DHRS7: variants seen among roughly 807,000 people sequenced by gnomAD.
The protein encoded by DHRS7 is dehydrogenase/reductase 7, also known as dehydrogenase/reductase SDR family member 7.
DHRS7 carries 34 observed loss-of-function variants against 38.9 expected under a neutral mutation model. The observed-to-expected ratio is 0.87, with a 90% CI of 0.66 to 1.16. The LOEUF (loss-of-function observed/expected upper bound fraction) is 1.16, where lower values mean the gene tolerates loss of function less well. DHRS7 is among the 50% of genes most tolerant of loss of function. DHRS7 has a pLI of 0.00. For synonymous variants in DHRS7, 158 were observed against 153.1 expected (o/e 1.03, Z -0.24); for missense variants, 421 against 407.0 (o/e 1.03, Z -0.30).
At chr14:60,168,780 CATACT>C (rs1322735360), upstream of DHRS7, 2 of 1,540,778 alleles carry the variant, frequency 1.3e-6, no homozygotes, top group Middle Eastern at 1.7e-4. Flanking sequence ...CTTCTTAAAT[CATACT>C]CCATCCCATT....
At chr14:60,159,648 C>CAAGA (rs10660222) in intron 1 of DHRS7, among the ~76,000 whole-genome samples, 25,372 of 151,950 alleles carry the variant, frequency 0.17, 2,488 homozygotes, top group South Asian at 0.3. Context: ...GTAAGATATA[C>CAAGA]AAGAAAATAA....
intron 1 of DHRS7, among the ~76,000 whole-genome samples, chr14:60,159,749 C>T (rs955384742): frequency 6.6e-6 from 1 of 152,144 alleles, no homozygotes; most frequent in Non-Finnish European, 1.5e-5. Flanking sequence ...TCTCCACTGG[C>T]TTCTTCCTTC....
chr14:60,155,995 C>T lies in DHRS7; in HGVS notation c.286+5G>A, dbSNP rs1896650689. The T allele has an allele frequency of 1.3e-6, 2 of 1,545,452 alleles. No individual in the cohort carries two copies. Among genetic ancestry groups the T allele is most frequent in the East Asian group, 4.8e-5 (2 of 41,532 alleles). ...AAGCACCGCTGCTATTTCAGATCCG[C>T]TTACCTAGGCATCTTCTTTTCACCC... On this transcript the variant is annotated splice_donor_5th_base_variant and intron_variant, in intron 2 of 6. Coordinates refer to ENST00000557185, the MANE Select transcript of DHRS7 (RefSeq NM_016029.4).
rs769191663 is a variant in DHRS7, at chr14:60,152,994, C to G, written c.578G>C (p.Gly193Ala). 1.2e-5 allele frequency: 19 copies of G among 1,614,012 alleles called. No homozygotes were observed. The highest frequency in any genetic ancestry group is 9.3e-5 in the African/African-American group (7 of 74,910). ...GKIVTVNSIL[G>A]IISVPLSIGY... is the part of the protein sequence containing the mutation. ...AATGGAAAGAGGTACAGATATGATA[C>G]CCAGGATGCTATTCACAGTAACAAT... Residue 193 changes from glycine to alanine, a missense_variant, in exon 4 of 7, where the codon GGT becomes GCT. By Grantham distance (60) the Gly-to-Ala change is moderately conservative. Coordinates refer to ENST00000557185, the MANE Select transcript of DHRS7 (RefSeq NM_016029.4).
At chr14:60,163,142 C>A (rs1896796234) in intron 1 of DHRS7, among the ~76,000 whole-genome samples, 1 of 151,652 alleles carries the variant, frequency 6.6e-6, no homozygotes, top group Non-Finnish European at 1.5e-5. Context: ...TGCACTCCAG[C>A]CTGGCCAACA....
chr14:60,151,720 C>A (rs891704679), intron 4 of DHRS7, among the ~76,000 whole-genome samples: 2 of 152,182 alleles, frequency 1.3e-5, no homozygotes, highest in African/African-American at 4.8e-5. Context: ...CAAGTTAATT[C>A]TGTAGTTTAC....
At chr14:60,163,577 A>C (rs933414509) in intron 1 of DHRS7, among the ~76,000 whole-genome samples, 3 of 152,190 alleles carry the variant, frequency 2.0e-5, no homozygotes, top group Non-Finnish European at 4.4e-5. Context: ...AATCCTTCAA[A>C]CTGTTCTTTT....
chr14:60,154,296 C>A (rs1896613848), intron 2 of DHRS7, among the ~76,000 whole-genome samples: 1 of 152,044 alleles, frequency 6.6e-6, no homozygotes, highest in South Asian at 2.1e-4. Flanking sequence ...TCTAACTTTA[C>A]AATTTGATTT....
rs376945245 is a variant in DHRS7 at position 60,150,194 on chromosome 14, G to GGCA, written c.634-8_634-7insTGC. The GGCA allele has an allele frequency of 0.1, 105,844 of 1,057,662 alleles. 5,282 individuals are homozygous for GGCA. Among genetic ancestry groups the GGCA allele is most frequent in the African/African-American group, 0.38 (18,247 of 48,560 alleles). The allele number at this position is 1,057,662 out of a possible 1,614,324, so 65.5% of individuals were successfully genotyped here. On this transcript the variant is annotated splice_polypyrimidine_tract_variant and splice_region_variant and intron_variant, in intron 4 of 6. Transcript: ENST00000557185. ...GAAGGCCATTAAAAAAACCCTAACAGACAAAAAAAAAAAAAAAGGAAAAAG... is the reference window on the plus strand; with the variant it reads ...GAAGGCCATTAAAAAAACCCTAACAGGCAACAAAAAAAAAAAAAAAGGAAAAAG...
At position 60,153,220 on chromosome 14, in the gene DHRS7, T is replaced by C. The variant is rs2140597480; in HGVS notation, c.394-42A>G. The C allele has an allele frequency of 2.5e-6, 4 of 1,608,444 alleles. No individual in the cohort carries two copies. The highest frequency in any genetic ancestry group is 3.4e-6 in the Non-Finnish European group (4 of 1,176,126). ...AGAAAAGGGGTGTTTGGGGGATGTC[T>C]TGTGGATAGATTGATGGAATTCCTA... On this transcript the variant is annotated intron_variant, in intron 3 of 6. Transcript: ENST00000557185. The surrounding 1 kb of genome is among the most constrained non-coding windows in gnomAD (Gnocchi z 4.4).
chr14:60,154,089 T>G (rs1896609227), intron 2 of DHRS7, 24 bp from the exon 3 acceptor site: 1 of 1,587,708 alleles, frequency 6.3e-7, no homozygotes, highest in East Asian at 2.2e-5. Context: ...AAAATTTGTG[T>G]GGAAGTCATG....
chr14:60,159,089 A>G (rs1193027850), intron 1 of DHRS7: 1 of 449,738 alleles, frequency 2.2e-6, no homozygotes, highest in Non-Finnish European at 4.4e-6. Flanking sequence ...GACGACAAAT[A>G]TTGACATGGA....
intron 4 of DHRS7, among the ~76,000 whole-genome samples, chr14:60,150,962 C>T (rs1896532304): frequency 6.6e-6 from 1 of 152,080 alleles, no homozygotes; most frequent in Non-Finnish European, 1.5e-5. Context: ...CCTCCTCTCC[C>T]CACTCCAAAA....
intron 1 of DHRS7, among the ~76,000 whole-genome samples, chr14:60,160,565 T>G (rs1279368859): frequency 2.0e-5 from 3 of 150,220 alleles, no homozygotes; most frequent in African/African-American, 7.3e-5. Flanking sequence ...TAGATTAAGC[T>G]CGACTAACCT....
At position 60,162,233 on chromosome 14, in the gene DHRS7, TGTG is replaced by T. The variant is rs1427268773; in HGVS notation, c.133+2941_133+2943del. Among the ~76,000 whole-genome samples, 1 of 151,928 alleles carries T rather than the reference TGTG, an allele frequency of 6.6e-6. No individual in the cohort carries two copies. Among genetic ancestry groups the T allele is most frequent in the Non-Finnish European group, 1.5e-5 (1 of 67,948 alleles). ...TACAAAAAGTTTAAAAATATCCAGGTGTGGTGGTTTGCACCTGTAGTCCTAGCT... is the reference window on the plus strand; with the variant it reads ...TACAAAAAGTTTAAAAATATCCAGGTGTGGTTTGCACCTGTAGTCCTAGCT... On this transcript the variant is annotated intron_variant, in intron 1 of 6. Coordinates refer to ENST00000557185, the MANE Select transcript of DHRS7 (RefSeq NM_016029.4). This position sits in a 1 kb window ranked among gnomAD's most constrained non-coding sequence, Gnocchi z 4.5.
rs1209942246 is a variant in DHRS7 at position 60,161,193 on chromosome 14, G to T, written c.133+3984C>A. Among the ~76,000 whole-genome samples, 4 of 152,040 alleles carry T rather than the reference G, an allele frequency of 2.6e-5. No individual in the cohort carries two copies. Among genetic ancestry groups the T allele is most frequent in the Non-Finnish European group, 5.9e-5 (4 of 68,006 alleles). On this transcript the variant is annotated intron_variant, in intron 1 of 6. Transcript: ENST00000557185. The surrounding 1 kb of genome is among the most constrained non-coding windows in gnomAD (Gnocchi z 4.2). ...CCATTTGTTAAGGGAATCAATATCA[G>T]AAGTAATACTAAAATGTTATAATAG...
rs1237083944 is a variant in DHRS7, at chr14:60,150,109, G to T, written c.712C>A (p.Gln238Lys). 1 of 1,606,608 alleles carries T rather than the reference G, an allele frequency of 6.2e-7. No individual in the cohort carries two copies. Among genetic ancestry groups the T allele is most frequent in the South Asian group, 1.1e-5 (1 of 89,568 alleles). The change falls in exon 5 of 7, where the codon CAA (glutamine) becomes AAA (lysine). Residue 238 changes from glutamine to lysine, a missense_variant. Physicochemically the swap from Gln to Lys is moderately conservative, Grantham distance 53 (BLOSUM62 1). Transcript: ENST00000557185. ...AGGGAATTCTCCACAATATTTGATT[G>T]CACAGGTCCTGGGCAAATGTTAGAA... Reference protein sequence around the residue: ...IVSNICPGPVQSNIVENSLAG... With the variant: ...IVSNICPGPVKSNIVENSLAG...
In DHRS7 at chr14:60,156,105, C is replaced by G. The variant is rs538127220; in HGVS notation, c.181G>C (p.Gly61Arg). ...MVVWVTGASS[G>R]IGEELAYQLS... is the part of the protein sequence containing the mutation. ...TGGTAAGCCAGCTCCTCACCAATTCCACTCGAGGCTCCAGTCACCCACACC... is the reference window on the plus strand; with the variant it reads ...TGGTAAGCCAGCTCCTCACCAATTCGACTCGAGGCTCCAGTCACCCACACC... The change falls in exon 2 of 7, where the codon GGA (glycine) becomes CGA (arginine). Residue 61 changes from glycine to arginine, a missense_variant. Transcript: ENST00000557185. 6.2e-7 allele frequency: 1 copy of G among 1,600,952 alleles called. No individual in the cohort carries two copies. Among genetic ancestry groups the G allele is most frequent in the South Asian group, 1.1e-5 (1 of 89,342 alleles).
rs1193341782 is a variant in DHRS7 at position 60,148,301 on chromosome 14, T to C, written c.972+1052A>G. The C allele has an allele frequency of 6.6e-6, 1 of 152,202 alleles. No individual in the cohort carries two copies. Among genetic ancestry groups the C allele is most frequent in the Non-Finnish European group, 1.5e-5 (1 of 68,038 alleles). 9.4% of individuals were successfully genotyped at this position (152,202 alleles called of 1,614,324 possible). The stretch of plus-strand genomic sequence containing the variant: ...TTCTTTTTTTATCTGTCAATCCCCA[T>C]TGATTAATTTCTAAAAGAAGGTGGT... On this transcript the variant is annotated intron_variant, in intron 6 of 6. Coordinates refer to ENST00000557185, the MANE Select transcript of DHRS7 (RefSeq NM_016029.4). The surrounding 1 kb of genome is among the most constrained non-coding windows in gnomAD (Gnocchi z 4.8).
Sources: gnomAD v4.1 joint callset for allele counts (sites outside exome capture counted in the v4.1 genomes callset) on GRCh38, gnomAD v4.1.1 for gene constraint, Gnocchi (gnomAD v3.1) non-coding constraint, MANE v1.5 for transcripts, NCBI Gene and HGNC (gene_info 2026-07-23, HGNC 2026-07-21) for gene names.